CYRIB: variants seen among roughly 807,000 people sequenced by gnomAD.
The protein encoded by CYRIB is CYFIP related Rac1 interactor B.
Under a neutral mutation model 44.2 loss-of-function variants are expected in CYRIB, and 8 were observed. The observed-to-expected ratio is 0.18, with a 90% CI of 0.11 to 0.33. The LOEUF is 0.33. Ranked by LOEUF, CYRIB falls within the 10% of genes least tolerant of loss-of-function variation. The pLI is 1.00. For synonymous variants in CYRIB, 131 were observed against 127.2 expected (o/e 1.03, Z -0.20); for missense variants, 185 against 382.8 (o/e 0.48, Z 4.31).
chr8:130,011,191 C>T (rs931533741), intron 1 of CYRIB, among the ~76,000 whole-genome samples: 5 of 152,094 alleles, frequency 3.3e-5, no homozygotes, highest in African/African-American at 1.2e-4. Flanking sequence ...CTCAGTGGCC[C>T]TCTCCGACCC....
At chr8:129,857,996 T>C (rs193267701) in intron 5 of CYRIB, among the ~76,000 whole-genome samples, 116 of 152,334 alleles carry the variant, frequency 7.6e-4, no homozygotes, top group Admixed American at 1.9e-3. Context: ...TGCAGAACTT[T>C]TGTCTATGAA....
Position 129,925,591 on chromosome 8 carries a change from C to T in CYRIB, c.-50+14017G>A, listed in dbSNP as rs1424982429. On this transcript the variant is annotated intron_variant, in intron 1 of 11. Transcript: ENST00000519824. ...ATGTGGTCTCACTTCTCTCAGGTGG[C>T]CCTCATGTGATCTATGGGAAACACA... Among the ~76,000 whole-genome samples the T allele has an allele frequency of 2.6e-5, 4 of 152,196 alleles. No homozygotes were observed. In the East Asian group the frequency reaches 7.7e-4, roughly 29 times the overall value.
intron 1 of CYRIB, among the ~76,000 whole-genome samples, chr8:129,987,554 GTCTT>G (rs1564636981): frequency 8.4e-6 from 1 of 119,116 alleles, no homozygotes; most frequent in Non-Finnish European, 1.7e-5. Context: ...TCTTTTTCTT[GTCTT>G]TTTTTTTTTC....
chr8:130,015,756 C>A (rs552008618), intron 1 of CYRIB, among the ~76,000 whole-genome samples: 5 of 152,364 alleles, frequency 3.3e-5, no homozygotes, highest in Admixed American at 6.5e-5. Context: ...CCCGCTAACA[C>A]TGAACTTCCA....
At chr8:129,893,443 G>A (rs1432424405) in intron 2 of CYRIB, among the ~76,000 whole-genome samples, 2 of 151,932 alleles carry the variant, frequency 1.3e-5, no homozygotes, top group African/African-American at 4.8e-5. Context: ...ACCCAGTCTT[G>A]GTAAAGTAAA....
chr8:129,865,568 G>A (rs1273591270), intron 4 of CYRIB, among the ~76,000 whole-genome samples: 2 of 152,146 alleles, frequency 1.3e-5, no homozygotes, highest in African/African-American at 2.4e-5. Flanking sequence ...TTCCAAAAAT[G>A]CCATCATTTC....
In CYRIB at chr8:130,016,107, C is replaced by T. The variant is rs968470889; in HGVS notation, c.-296+263G>A. On this transcript the variant is annotated intron_variant, in intron 1 of 14. Coordinates refer to the CYRIB transcript ENST00000401979. ...CGGCGGCCCCGCTGCGCGCTCCCCT[C>T]GCGTCCGCCCGCCGCCCCCCGCGCA... is the stretch of plus-strand genomic sequence containing the variant. 1.4e-3 allele frequency among the ~76,000 whole-genome samples: 204 copies of T among 149,022 alleles called. 1 individual carries two copies. The highest frequency in any genetic ancestry group is 2.2e-3 in the Non-Finnish European group (146 of 66,852).
At chr8:129,909,407 A>G (rs1055913095) in intron 1 of CYRIB, among the ~76,000 whole-genome samples, 2 of 152,116 alleles carry the variant, frequency 1.3e-5, no homozygotes, top group East Asian at 1.9e-4. Flanking sequence ...ATTCTCTTCT[A>G]ATTTCTTTTA....
At chr8:129,921,961 AG>A (rs2083871709) in intron 1 of CYRIB, among the ~76,000 whole-genome samples, 1 of 152,174 alleles carries the variant, frequency 6.6e-6, no homozygotes, top group African/African-American at 2.4e-5. Flanking sequence ...AGAAGTATGG[AG>A]TTCAGGGAAG....
At chr8:129,945,895 G>T (rs778661715) in intron 2 of CYRIB, among the ~76,000 whole-genome samples, 30 of 152,276 alleles carry the variant, frequency 2.0e-4, no homozygotes, top group Middle Eastern at 3.4e-3. Context: ...CCACTGGGTA[G>T]CCATCCATGA....
At chr8:129,987,435 G>C (rs2096495108) in intron 1 of CYRIB, among the ~76,000 whole-genome samples, 1 of 151,982 alleles carries the variant, frequency 6.6e-6, no homozygotes, top group South Asian at 2.1e-4. Context: ...ATGGCACCTG[G>C]GAGGCTGAGC....
At chr8:129,967,162 G>A (rs1177765152) in intron 2 of CYRIB, among the ~76,000 whole-genome samples, 1 of 152,134 alleles carries the variant, frequency 6.6e-6, no homozygotes, top group Non-Finnish European at 1.5e-5. Context: ...GCCAAAGGCA[G>A]TGGTGTTCTG....
Position 129,953,259 on chromosome 8 carries a change from CA to C in CYRIB, c.-243+17683del, listed in dbSNP as rs145483579. On this transcript the variant is annotated intron_variant, in intron 2 of 14. Coordinates refer to the CYRIB transcript ENST00000401979. ...AGAGTTCCTTCCAGCTTGGGAAGGT[CA>C]GGGGAGGGTGGCAGGGAGATGTCCA... is the stretch of plus-strand genomic sequence containing the variant. 1.1e-3 allele frequency among the ~76,000 whole-genome samples: 164 copies of C among 152,262 alleles called. 3 individuals are homozygous for C. The East Asian group carries it at 0.03, about 28-fold the overall frequency.
At chr8:129,859,938 T>G (rs1054399772) in intron 5 of CYRIB, among the ~76,000 whole-genome samples, 1 of 152,232 alleles carries the variant, frequency 6.6e-6, no homozygotes, top group South Asian at 2.1e-4. Flanking sequence ...AGTTAAACCC[T>G]GTCAGCAAAA....
In CYRIB at chr8:129,880,988, T is replaced by A; in HGVS notation, c.-10-1517A>T. Among the ~76,000 whole-genome samples the A allele has an allele frequency of 1.3e-5, 2 of 152,246 alleles. 1 individual carries two copies. The highest frequency in any genetic ancestry group is 1.3e-4 in the Admixed American group (2 of 15,280). On this transcript the variant is annotated intron_variant, in intron 2 of 11. Coordinates refer to ENST00000519824, the Ensembl canonical transcript of CYRIB. ...TACCACACATAAAATGTTTTTGATA[T>A]CTTCTGTCTCCTAAGATTAATCAAA...
chr8:129,974,764 G>C (rs946523509), intron 1 of CYRIB, among the ~76,000 whole-genome samples: 2 of 151,290 alleles, frequency 1.3e-5, no homozygotes, highest in African/African-American at 4.9e-5. Flanking sequence ...TTGTTGCCCA[G>C]GCTGGAGTGC....
chr8:129,993,017 C>T (rs1481100991), intron 1 of CYRIB, among the ~76,000 whole-genome samples: 2 of 152,176 alleles, frequency 1.3e-5, no homozygotes, highest in Non-Finnish European at 1.5e-5. Flanking sequence ...GTGGGGCCTA[C>T]TGTGGATGGG....
chr8:129,990,716 G>T (rs1382954857), intron 1 of CYRIB, among the ~76,000 whole-genome samples: 1 of 151,790 alleles, frequency 6.6e-6, no homozygotes, highest in African/African-American at 2.4e-5. Context: ...TAGAGACAGC[G>T]TCTCACTATG....
chr8:129,855,505 A>G (rs567348177), intron 6 of CYRIB, 106 bp downstream of exon 8: 1 of 1,225,980 alleles, frequency 8.2e-7, no homozygotes, highest in African/African-American at 1.5e-5. Context: ...AAGGTCTAGC[A>G]GACATCATTT....
Sources: gnomAD v4.1 joint callset for allele counts (sites outside exome capture counted in the v4.1 genomes callset) on GRCh38, gnomAD v4.1.1 for gene constraint, MANE v1.5 for transcripts, NCBI Gene and HGNC (gene_info 2026-07-23, HGNC 2026-07-21) for gene names.